Variants in PKIB observed in about 807,000 individuals in gnomAD.
PKIB encodes cAMP-dependent protein kinase inhibitor beta.
Under a neutral mutation model 4.5 loss-of-function variants are expected in PKIB, and 2 were observed. That is an observed-to-expected ratio of 0.44 (90% CI 0.18 to 1.39). The LOEUF (loss-of-function observed/expected upper bound fraction) is 1.39. Among genes scored for constraint, PKIB ranks in the 40% most tolerant of loss-of-function variants. The pLI is 0.27. For synonymous variants in PKIB, 38 were observed against 36.0 expected, an observed-to-expected ratio of 1.06 and a Z score of -0.20; for missense variants, 94 against 92.6, an observed-to-expected ratio of 1.02 and a Z score of -0.06.
At chr6:122,527,910 T>C (rs543826635) in intron 2 of PKIB, among the ~76,000 whole-genome samples, 1 of 152,302 alleles carries the variant, frequency 6.6e-6, no homozygotes, top group African/African-American at 2.4e-5. Context: ...CTGTGTTATT[T>C]AAATCCCCTG....
At chr6:122,628,853 C>T (rs1775575696) in intron 1 of PKIB, among the ~76,000 whole-genome samples, 1 of 152,158 alleles carries the variant, frequency 6.6e-6, no homozygotes, top group South Asian at 2.1e-4. Context: ...GTTCAGTATG[C>T]TGACTTTCAC....
intron 2 of PKIB, among the ~76,000 whole-genome samples, chr6:122,654,948 T>A (rs1336642473): frequency 6.6e-6 from 1 of 152,134 alleles, no homozygotes; most frequent in Non-Finnish European, 1.5e-5. Context: ...TCTCCTGCAT[T>A]TCAGTTAATA....
chr6:122,485,146 G>T (rs1367264474), intron 2 of PKIB, among the ~76,000 whole-genome samples: 1 of 151,892 alleles, frequency 6.6e-6, no homozygotes, highest in Non-Finnish European at 1.5e-5. Context: ...TGTGAATCGT[G>T]CCTTGCTCAA....
chr6:122,585,914 C>T (rs894618592), intron 2 of PKIB: 2 of 152,050 alleles, frequency 1.3e-5, no homozygotes, highest in Admixed American at 1.3e-4. Context: ...CTCTTTCTCT[C>T]TCTTAGGTTT....
At chr6:122,613,835 C>T (rs1321865212) in intron 1 of PKIB, among the ~76,000 whole-genome samples, 3 of 151,576 alleles carry the variant, frequency 2.0e-5, no homozygotes, top group Non-Finnish European at 4.4e-5. Flanking sequence ...TGGTGGTGCA[C>T]ACCTGTAGTC....
chr6:122,719,554 G>T (rs1197078506), intron 4 of PKIB, among the ~76,000 whole-genome samples: 1 of 152,108 alleles, frequency 6.6e-6, no homozygotes, highest in African/African-American at 2.4e-5. Context: ...TAGCTACCAG[G>T]AAAATTAGGA....
intron 1 of PKIB, among the ~76,000 whole-genome samples, chr6:122,472,578 T>C (rs1775336017): frequency 6.6e-6 from 1 of 152,204 alleles, no homozygotes; most frequent in East Asian, 1.9e-4. Context: ...TATTTGTTCT[T>C]GAAAATATTC....
chr6:122,491,675 T>C (rs1045897706), intron 2 of PKIB, among the ~76,000 whole-genome samples: 1 of 152,198 alleles, frequency 6.6e-6, no homozygotes, highest in African/African-American at 2.4e-5. Context: ...TGAAAATAGG[T>C]TGTGGAAGCA....
intron 2 of PKIB, among the ~76,000 whole-genome samples, chr6:122,661,580 T>C (rs1391196072): frequency 6.6e-6 from 1 of 152,220 alleles, no homozygotes; most frequent in Non-Finnish European, 1.5e-5. Context: ...CTACATTTTA[T>C]TTACACATTT....
intron 2 of PKIB, among the ~76,000 whole-genome samples, chr6:122,547,976 G>A (rs1032309208): frequency 2.6e-5 from 4 of 152,020 alleles, no homozygotes; most frequent in Non-Finnish European, 4.4e-5. Flanking sequence ...CCAAACGCTA[G>A]GCCTAGGGAG....
At chr6:122,687,001 G>A (rs186867003) in intron 3 of PKIB, among the ~76,000 whole-genome samples, 1 of 152,138 alleles carries the variant, frequency 6.6e-6, no homozygotes, top group East Asian at 1.9e-4. Context: ...TTTGCTTTGG[G>A]TGCCTGTGCT....
At chr6:122,509,914 T>C (rs540645907) in intron 2 of PKIB, among the ~76,000 whole-genome samples, 1 of 152,186 alleles carries the variant, frequency 6.6e-6, no homozygotes, top group East Asian at 1.9e-4. Flanking sequence ...TTGAGTTTTT[T>C]TTTTTTAATT....
intron 2 of PKIB, among the ~76,000 whole-genome samples, chr6:122,660,316 A>G (rs1354051672): frequency 1.3e-5 from 2 of 152,070 alleles, no homozygotes; most frequent in African/African-American, 4.8e-5. Context: ...CCAGAGACCT[A>G]ATTACACTTT....
At chr6:122,594,688 G>A (rs777046463) in intron 3 of PKIB, among the ~76,000 whole-genome samples, 1 of 152,106 alleles carries the variant, frequency 6.6e-6, no homozygotes, top group Non-Finnish European at 1.5e-5. Context: ...ATCTCAACAG[G>A]TCGTGGTTTT....
intron 1 of PKIB, among the ~76,000 whole-genome samples, chr6:122,617,052 T>C (rs1394782882): frequency 6.6e-6 from 1 of 152,252 alleles, no homozygotes; most frequent in East Asian, 1.9e-4. Context: ...CCCAGCTAAC[T>C]CACTTATATT....
Position 122,516,008 on chromosome 6 carries a change from C to T in PKIB, c.-248+38069C>T, listed in dbSNP as rs540370640. On this transcript the variant is annotated intron_variant, in intron 2 of 6. Coordinates refer to the PKIB transcript ENST00000392491. ...GATTACAGGCGTGAACCACCACGCC[C>T]GGCCTCTTCATGAGTTTTTAATGAT... 3.9e-5 allele frequency among the ~76,000 whole-genome samples: 6 copies of T among 152,222 alleles called. No homozygotes were observed. The South Asian group carries it at 6.2e-4, about 16-fold the overall frequency.
chr6:122,499,132 C>T (rs1049534245), intron 2 of PKIB, among the ~76,000 whole-genome samples: 2 of 152,104 alleles, frequency 1.3e-5, no homozygotes, highest in African/African-American at 4.8e-5. Context: ...TTCTACCAGA[C>T]ATACAAAGAA....
At position 122,516,466 on chromosome 6, in the gene PKIB, C is replaced by T. The variant is rs115815277; in HGVS notation, c.-248+38527C>T. On this transcript the variant is annotated intron_variant, in intron 2 of 6. Transcript: ENST00000392491. ...TGTTCGAGTTCTTGCCTTCAACTTC[C>T]AAGACCTTTGTTGCCTACTGTTAAG... Among the ~76,000 whole-genome samples, 728 of 152,280 alleles carry T rather than the reference C, an allele frequency of 4.8e-3. 5 individuals carry two copies. The highest frequency in any genetic ancestry group is 0.017 in the African/African-American group (686 of 41,546).
intron 2 of PKIB, chr6:122,479,897 A>C (rs1157781036): frequency 6.6e-6 from 1 of 152,220 alleles, no homozygotes; most frequent in Non-Finnish European, 1.5e-5. Context: ...CCATGGCATG[A>C]ATAAACAGTG....
Sources: allele counts gnomAD v4.1 joint callset (sites outside exome capture counted in the v4.1 genomes callset), GRCh38; gene constraint gnomAD v4.1.1; transcripts MANE v1.5; gene names NCBI Gene and HGNC (gene_info 2026-07-23, HGNC 2026-07-21).